The following ATG5 variants were observed in gnomAD, a reference collection of about 807,000 sequenced individuals.
ATG5 encodes the protein autophagy protein 5.
A neutral mutation model predicts 36.5 loss-of-function variants in ATG5; 14 were observed. The ratio of observed to expected loss-of-function variants is 0.38; its 90% CI spans 0.25 to 0.60. The LOEUF is 0.60. ATG5 is among the 20% of genes least tolerant of loss of function. The pLI, the probability that ATG5 is intolerant of heterozygous loss-of-function variation, is 0.60. For synonymous variants in ATG5, 95 were observed against 101.5 expected (o/e 0.94, Z 0.38); for missense variants, 195 against 326.7 (o/e 0.60, Z 3.11).
intron 5 of ATG5, among the ~76,000 whole-genome samples, chr6:106,256,658 TA>T (rs1198082026): frequency 1.3e-5 from 2 of 152,094 alleles, no homozygotes; most frequent in Non-Finnish European, 2.9e-5. Flanking sequence ...TCCTAGGCTA[TA>T]AACCTATATG....
chr6:106,200,773 C>T (rs923725157), intron 7 of ATG5, among the ~76,000 whole-genome samples: 1 of 152,148 alleles, frequency 6.6e-6, no homozygotes, highest in Non-Finnish European at 1.5e-5. Context: ...CCACCACACC[C>T]GACCAACTCT....
At chr6:106,231,105 G>A (rs191930995) in intron 6 of ATG5, among the ~76,000 whole-genome samples, 31 of 152,048 alleles carry the variant, frequency 2.0e-4, no homozygotes, top group South Asian at 2.1e-4. Flanking sequence ...AATATTCCCC[G>A]ATTATGCCCC....
Position 106,198,588 on chromosome 6 carries a change from C to T in ATG5, c.691+3384G>A, listed in dbSNP as rs536067335. The stretch of plus-strand genomic sequence containing the variant: ...GGTCAGGAGTTTGAGACCAGTCTGG[C>T]CAACACAGTGAAACCCTGTCTCTAC... On this transcript the variant is annotated intron_variant, in intron 7 of 7. Coordinates refer to ENST00000369076, the MANE Select transcript of ATG5 (RefSeq NM_004849.4). Among the ~76,000 whole-genome samples, 3 of 152,136 alleles carry T rather than the reference C, an allele frequency of 2.0e-5. No individual in the cohort carries two copies. The South Asian group carries it at 6.2e-4, about 32-fold the overall frequency.
chr6:106,243,904 CTT>C (rs35701133), intron 6 of ATG5, among the ~76,000 whole-genome samples: 28,249 of 54,986 alleles, frequency 0.51, 7,199 homozygotes, highest in African/African-American at 0.63. Context: ...AGGAACCATC[CTT>C]TTTTTTTTTT....
chr6:106,254,915 C>G (rs780614593), intron 5 of ATG5, among the ~76,000 whole-genome samples: 1 of 152,220 alleles, frequency 6.6e-6, no homozygotes, highest in Admixed American at 6.5e-5. Context: ...AATTGAGCAG[C>G]CTTTGCTAGC....
chr6:106,315,081 C>CA (rs1329122974), intron 2 of ATG5, among the ~76,000 whole-genome samples: 1 of 151,992 alleles, frequency 6.6e-6, no homozygotes, highest in Non-Finnish European at 1.5e-5. Flanking sequence ...AAAACAAAAA[C>CA]AAAAAAACAG....
chr6:106,212,991 T>C (rs375098135), intron 6 of ATG5, among the ~76,000 whole-genome samples: 2 of 152,318 alleles, frequency 1.3e-5, no homozygotes, highest in East Asian at 3.9e-4. Flanking sequence ...TTCCTGTCCA[T>C]GTTTTAAAAA....
chr6:106,248,458 C>A (rs568134197), intron 5 of ATG5, among the ~76,000 whole-genome samples: 1 of 152,054 alleles, frequency 6.6e-6, no homozygotes, highest in Non-Finnish European at 1.5e-5. Context: ...CCTAGATATT[C>A]GCACAGCCAT....
chr6:106,223,641 G>A (rs1777335257), intron 6 of ATG5, among the ~76,000 whole-genome samples: 1 of 152,172 alleles, frequency 6.6e-6, no homozygotes, highest in Non-Finnish European at 1.5e-5. Context: ...ACTATAGGAG[G>A]AAACAGTCTC....
intron 4 of ATG5, 70 bp from the exon 5 acceptor site, chr6:106,279,893 C>T: frequency 2.9e-6 from 3 of 1,029,524 alleles, no homozygotes; most frequent in Non-Finnish European, 3.9e-6. Context: ...TAAAAGAGAA[C>T]TATATCCCCC....
At chr6:106,212,971 T>C (rs1203457042) in intron 6 of ATG5, among the ~76,000 whole-genome samples, 2 of 152,180 alleles carry the variant, frequency 1.3e-5, no homozygotes, top group East Asian at 1.9e-4. Flanking sequence ...ACAAAGAATA[T>C]TGTTTTTATT....
chr6:106,293,381 T>G (rs1366776904), intron 3 of ATG5, among the ~76,000 whole-genome samples: 1 of 152,246 alleles, frequency 6.6e-6, no homozygotes, highest in Non-Finnish European at 1.5e-5. Context: ...TGTGAACTGT[T>G]ATGTCACAGT....
chr6:106,235,688 C>T (rs1192626279), intron 6 of ATG5, among the ~76,000 whole-genome samples: 3 of 152,156 alleles, frequency 2.0e-5, no homozygotes, highest in Non-Finnish European at 4.4e-5. Flanking sequence ...CCTGAGAGCA[C>T]AGCGGGAAGG....
chr6:106,204,707 G>C (rs77771559), intron 6 of ATG5, among the ~76,000 whole-genome samples: 2 of 152,172 alleles, frequency 1.3e-5, no homozygotes, highest in Non-Finnish European at 2.9e-5. Context: ...TCTCTTTCCT[G>C]CTGGCTTGTG....
intron 5 of ATG5, among the ~76,000 whole-genome samples, chr6:106,256,533 T>C (rs755309144): frequency 2.0e-4 from 30 of 152,170 alleles, no homozygotes; most frequent in Non-Finnish European, 3.5e-4. Context: ...ACGATGAGGA[T>C]AGATTCTGAG....
chr6:106,192,723 G>A (rs1776013252), intron 7 of ATG5, among the ~76,000 whole-genome samples: 1 of 152,050 alleles, frequency 6.6e-6, no homozygotes. Flanking sequence ...TTGCTATCTT[G>A]GAATGTGTAA....
intron 7 of ATG5, among the ~76,000 whole-genome samples, chr6:106,196,417 T>G (rs1776191589): frequency 6.6e-6 from 1 of 152,208 alleles, no homozygotes; most frequent in Non-Finnish European, 1.5e-5. Flanking sequence ...TCTAAACCTA[T>G]TTCTGCAATT....
chr6:106,236,391 G>C (rs373358721), intron 6 of ATG5, among the ~76,000 whole-genome samples: 1 of 152,142 alleles, frequency 6.6e-6, no homozygotes, highest in East Asian at 1.9e-4. Context: ...GTTGAATTTT[G>C]AAAGAAACTG....
At chr6:106,277,328 CA>C (rs1779696715) in intron 5 of ATG5, among the ~76,000 whole-genome samples, 1 of 152,180 alleles carries the variant, frequency 6.6e-6, no homozygotes, top group Non-Finnish European at 1.5e-5. Context: ...ACTCCCTGGC[CA>C]AAAACACTGT....
Sources: allele counts gnomAD v4.1 joint callset (sites outside exome capture counted in the v4.1 genomes callset), GRCh38; gene constraint gnomAD v4.1.1; transcripts MANE v1.5; gene names NCBI Gene and HGNC (gene_info 2026-07-23, HGNC 2026-07-21).